ZBTB20: variants seen among roughly 807,000 people sequenced by gnomAD.
ZBTB20 encodes the protein zinc finger and BTB domain containing 20, also known as zinc finger and BTB domain-containing protein 20.
In ZBTB20, 9 loss-of-function variants were observed where a neutral mutation model predicts 56.9. That is an observed-to-expected ratio of 0.16 (90% confidence interval 0.10 to 0.28). ZBTB20 has a LOEUF of 0.28. Among genes scored for constraint, ZBTB20 ranks in the 10% least tolerant of loss-of-function variants. The pLI, the probability that ZBTB20 is intolerant of heterozygous loss-of-function variation, is 1.00. For missense variants in ZBTB20, 655 were observed against 1,003.0 expected (o/e 0.65, Z 4.69); for synonymous variants, 417 against 420.7 (o/e 0.99, Z 0.11).
intron 6 of ZBTB20, among the ~76,000 whole-genome samples, chr3:114,549,766 T>C (rs1358584117): frequency 6.6e-6 from 1 of 151,622 alleles, no homozygotes; most frequent in African/African-American, 2.4e-5. Flanking sequence ...TTTTTTTTTT[T>C]TTGACTGATG....
chr3:114,724,163 G>A (rs965891436), intron 5 of ZBTB20, among the ~76,000 whole-genome samples: 3 of 152,010 alleles, frequency 2.0e-5, no homozygotes, highest in South Asian at 2.1e-4. Flanking sequence ...GTGAGCCACC[G>A]CTCGGCCTCC....
rs1578022507 is a variant in ZBTB20, at chr3:114,623,724, G to C, written c.-295+69804C>G. Among the ~76,000 whole-genome samples the C allele has an allele frequency of 2.0e-5, 3 of 152,300 alleles. No homozygotes were observed. The South Asian group carries it at 6.2e-4, about 32-fold the overall frequency. On this transcript the variant is annotated intron_variant, in intron 6 of 11. Transcript: ENST00000675478. Reference sequence around the variant, plus strand: ...CAGAACAGAAATGCATGGAAAGCTGGTGGAGTGAAACTCCAAATGAACAAT... The same window carrying C: ...CAGAACAGAAATGCATGGAAAGCTGCTGGAGTGAAACTCCAAATGAACAAT...
intron 6 of ZBTB20, among the ~76,000 whole-genome samples, chr3:114,561,626 T>C (rs1314702763): frequency 1.3e-5 from 2 of 152,120 alleles, no homozygotes; most frequent in Non-Finnish European, 2.9e-5. Context: ...GCTTAAAATA[T>C]TCAGTAAATC....
intron 10 of ZBTB20, chr3:114,367,005 A>T (rs569269249): frequency 6.6e-6 from 1 of 152,278 alleles, no homozygotes; most frequent in South Asian, 2.1e-4. Flanking sequence ...CTTTCAAAAA[A>T]ATAAAAGATG....
chr3:114,440,094 C>CT (rs200233937), intron 7 of ZBTB20, among the ~76,000 whole-genome samples: 10,507 of 147,270 alleles, frequency 0.071, 423 homozygotes, highest in East Asian at 0.19. Flanking sequence ...GAAGGTCTTA[C>CT]TTTTTTTTTT....
At chr3:114,968,395 A>G (rs2077737286) in intron 3 of ZBTB20, among the ~76,000 whole-genome samples, 1 of 152,238 alleles carries the variant, frequency 6.6e-6, no homozygotes, top group Non-Finnish European at 1.5e-5. Flanking sequence ...TGCATCTAAT[A>G]TAAACTGAAT....
chr3:115,034,292 C>T (rs1450112804), intron 2 of ZBTB20, among the ~76,000 whole-genome samples: 2 of 151,528 alleles, frequency 1.3e-5, no homozygotes. Context: ...GTAAAATTAT[C>T]TCTGTTCACA....
In ZBTB20 at chr3:114,999,565, T is replaced by A. The variant is rs977490222; in HGVS notation, c.-506-25149A>T. On this transcript the variant is annotated intron_variant, in intron 2 of 11. Coordinates refer to ENST00000675478, the MANE Select transcript of ZBTB20 (RefSeq NM_001348800.3). ...GAAGGAATTTCCTCAAATATTTATA[T>A]TCGATACCAATATTTTTTCTAAAAT... Among the ~76,000 whole-genome samples the A allele has an allele frequency of 2.0e-5, 3 of 151,712 alleles. No individual in the cohort carries two copies. In the East Asian group the frequency reaches 5.8e-4, roughly 30 times the overall value.
chr3:114,853,536 T>A (rs781514745), intron 4 of ZBTB20, among the ~76,000 whole-genome samples: 1 of 152,218 alleles, frequency 6.6e-6, no homozygotes, highest in Non-Finnish European at 1.5e-5. Flanking sequence ...TCCTCTCCAA[T>A]CCTTCTCTCA....
At chr3:115,034,626 C>T (rs2080839869) in intron 2 of ZBTB20, among the ~76,000 whole-genome samples, 1 of 151,810 alleles carries the variant, frequency 6.6e-6, no homozygotes, top group Admixed American at 6.6e-5. Context: ...AATTGGAAGG[C>T]TTAACATTGT....
chr3:114,669,670 T>C (rs1324764593), intron 6 of ZBTB20, among the ~76,000 whole-genome samples: 1 of 151,570 alleles, frequency 6.6e-6, no homozygotes, highest in East Asian at 1.9e-4. Flanking sequence ...AAAGTTAAAG[T>C]CATTTTTTCT....
chr3:115,063,035 A>T (rs1385245999), intron 2 of ZBTB20, among the ~76,000 whole-genome samples: 1 of 152,134 alleles, frequency 6.6e-6, no homozygotes, highest in Non-Finnish European at 1.5e-5. Context: ...ATTTTGTAAC[A>T]TATATTTAAG....
intron 4 of ZBTB20, among the ~76,000 whole-genome samples, chr3:114,867,250 A>G (rs2075803879): frequency 6.6e-6 from 1 of 152,096 alleles, no homozygotes. Flanking sequence ...TGGCAGGAAA[A>G]CCAGGTTGAT....
rs560653642 is a variant in ZBTB20 at position 115,130,890 on chromosome 3, T to C, written c.-703+16329A>G. Among the ~76,000 whole-genome samples the C allele has an allele frequency of 4.6e-5, 7 of 152,200 alleles. No homozygotes were observed. In the South Asian group the frequency reaches 1.5e-3, roughly 32 times the overall value. On this transcript the variant is annotated intron_variant, in intron 1 of 11. Transcript: ENST00000675478. Reference sequence around the variant, plus strand: ...GATTCTACTGCCTCAGCCTCCCAAGTAGCTGGGATTACAGGCATGCACCAC... The same window carrying C: ...GATTCTACTGCCTCAGCCTCCCAAGCAGCTGGGATTACAGGCATGCACCAC...
chr3:115,109,115 T>C (rs1193603662), intron 1 of ZBTB20, among the ~76,000 whole-genome samples: 2 of 152,208 alleles, frequency 1.3e-5, no homozygotes, highest in Non-Finnish European at 2.9e-5. Context: ...ATATACTATA[T>C]GAACTCTTCT....
At chr3:114,629,454 C>T (rs2058818042) in intron 6 of ZBTB20, among the ~76,000 whole-genome samples, 1 of 152,032 alleles carries the variant, frequency 6.6e-6, no homozygotes, top group Non-Finnish European at 1.5e-5. Flanking sequence ...CTATAGCTTA[C>T]ATTTTTAAAA....
intron 6 of ZBTB20, among the ~76,000 whole-genome samples, chr3:114,578,240 A>G (rs1354436998): frequency 1.3e-5 from 2 of 152,126 alleles, no homozygotes; most frequent in Non-Finnish European, 2.9e-5. Context: ...ATTGGAAGGT[A>G]ATGTTAAGGA....
In ZBTB20 at chr3:114,334,171, C is replaced by T. The variant is rs2079369588; in HGVS notation, c.*4834G>A. ...TCCACAAAATCATATATCCCCTGCT[C>T]CCAGCCCCAACTAATCAAATAACAT... is the stretch of plus-strand genomic sequence containing the variant. On this transcript the variant is annotated 3_prime_UTR_variant, in exon 12 of 12. Transcript: ENST00000675478. 6.6e-6 allele frequency: 1 copy of T among 152,222 alleles called. No individual in the cohort carries two copies. The highest frequency in any genetic ancestry group is 2.4e-5 in the African/African-American group (1 of 41,414). 9.4% of individuals were successfully genotyped at this position (152,222 alleles called of 1,614,324 possible).
intron 4 of ZBTB20, among the ~76,000 whole-genome samples, chr3:114,868,382 T>G (rs2075857382): frequency 6.6e-6 from 1 of 152,312 alleles, no homozygotes; most frequent in South Asian, 2.1e-4. Context: ...TGCCTTCATG[T>G]CTTTTGAGCA....
Sources: allele counts gnomAD v4.1 joint callset (sites outside exome capture counted in the v4.1 genomes callset), GRCh38; gene constraint gnomAD v4.1.1; transcripts MANE v1.5; gene names NCBI Gene and HGNC (gene_info 2026-07-23, HGNC 2026-07-21).